Variants in STPG2 observed in about 807,000 individuals in gnomAD.
STPG2 encodes sperm tail PG-rich repeat containing 2.
A neutral mutation model predicts 54.2 loss-of-function variants in STPG2; 56 were observed. The ratio of observed to expected loss-of-function variants is 1.03; its 90% CI spans 0.83 to 1.29. The LOEUF (loss-of-function observed/expected upper bound fraction) is 1.29, where lower values mean the gene tolerates loss of function less well. Among genes scored for constraint, STPG2 ranks in the 50% most tolerant of loss-of-function variants. The probability of loss-of-function intolerance (pLI) is 0.00; values close to 1 mark genes in which losing one functional copy is unlikely to be tolerated. For missense variants in STPG2, 596 were observed against 544.9 expected, an observed-to-expected ratio of 1.09 and a Z score of -0.93; for synonymous variants, 200 against 181.8, an observed-to-expected ratio of 1.10 and a Z score of -0.81.
chr4:97,945,193 T>TA (rs1560603395), intron 7 of STPG2, among the ~76,000 whole-genome samples: 1 of 152,096 alleles, frequency 6.6e-6, no homozygotes, highest in African/African-American at 2.4e-5. Flanking sequence ...AGTAGTTTTT[T>TA]ATCCCCCTAT....
At chr4:97,929,253 C>T (rs916528066) in intron 8 of STPG2, among the ~76,000 whole-genome samples, 10 of 152,160 alleles carry the variant, frequency 6.6e-5, no homozygotes, top group African/African-American at 1.4e-4. Flanking sequence ...ATATGTACTA[C>T]ATTTTCTTTC....
In STPG2 at chr4:97,707,552, G is replaced by T. The variant is rs1187905219; in HGVS notation, c.1320+5147C>A. 2.0e-5 allele frequency among the ~76,000 whole-genome samples: 3 copies of T among 152,032 alleles called. 1 individual carries two copies. In the East Asian group the frequency reaches 5.8e-4, roughly 30 times the overall value. On this transcript the variant is annotated intron_variant, in intron 10 of 10. Coordinates refer to ENST00000295268, the MANE Select transcript of STPG2 (RefSeq NM_174952.3). The stretch of plus-strand genomic sequence containing the variant: ...ATGAAAATAATTTCAATAAATAAAA[G>T]AGGATGGAGGGAGGGGGGAAGTACT...
intron 10 of STPG2, among the ~76,000 whole-genome samples, chr4:97,648,498 A>G (rs1184585003): frequency 6.6e-6 from 1 of 152,172 alleles, no homozygotes. Context: ...TGTTTACTTG[A>G]ATCGATCTTA....
chr4:97,746,035 A>G (rs1398313977), intron 9 of STPG2, among the ~76,000 whole-genome samples: 1 of 151,210 alleles, frequency 6.6e-6, no homozygotes, highest in Non-Finnish European at 1.5e-5. Context: ...TCAATAGCTG[A>G]TTTCTGTGTA....
chr4:97,699,187 C>T (rs1560725387), intron 10 of STPG2, among the ~76,000 whole-genome samples: 1 of 152,176 alleles, frequency 6.6e-6, no homozygotes, highest in African/African-American at 2.4e-5. Context: ...ACAGTGGCTG[C>T]AGCCAGGTCT....
rs1730963733 is a variant in STPG2 at position 97,896,585 on chromosome 4, T to C, written c.1044+47312A>G. ...CTATTCTTAAGTTATAATGGATGGT[T>C]GCCGAATTTAAATACACCCATCACT... On this transcript the variant is annotated intron_variant, in intron 8 of 10. Transcript: ENST00000295268. Among the ~76,000 whole-genome samples, 3 of 151,800 alleles carry C rather than the reference T, an allele frequency of 2.0e-5. No homozygotes were observed. The South Asian group carries it at 6.2e-4, about 31-fold the overall frequency.
At chr4:98,026,690 T>C (rs1306810793) in intron 5 of STPG2, among the ~76,000 whole-genome samples, 1 of 152,242 alleles carries the variant, frequency 6.6e-6, no homozygotes, top group East Asian at 1.9e-4. Context: ...GTGAACTTCT[T>C]TGCCACCCAG....
intron 5 of STPG2, among the ~76,000 whole-genome samples, chr4:98,077,961 A>G (rs2555390): frequency 0.44 from 66,421 of 151,908 alleles, 15,079 homozygotes; most frequent in Admixed American, 0.56. Context: ...TTGAATGTCA[A>G]TACAAGGACA....
intron 6 of STPG2, among the ~76,000 whole-genome samples, chr4:97,972,931 C>T (rs1349003398): frequency 6.6e-6 from 1 of 152,214 alleles, no homozygotes; most frequent in Non-Finnish European, 1.5e-5. Context: ...TTAAACCTCT[C>T]TTTTGCAAAT....
chr4:97,563,986 C>T (rs534436111), intron 10 of STPG2, among the ~76,000 whole-genome samples: 1 of 152,118 alleles, frequency 6.6e-6, no homozygotes, highest in African/African-American at 2.4e-5. Flanking sequence ...TCCTGGATAT[C>T]CTTTTTAACT....
intron 7 of STPG2, among the ~76,000 whole-genome samples, chr4:97,963,408 C>T (rs1267951623): frequency 6.6e-6 from 1 of 152,076 alleles, no homozygotes; most frequent in Admixed American, 6.6e-5. Flanking sequence ...TGTAACCCCA[C>T]TGCTTTGGGA....
intron 4 of STPG2, among the ~76,000 whole-genome samples, chr4:97,548,146 G>C (rs1731884801): frequency 8.0e-6 from 1 of 125,446 alleles, no homozygotes. Flanking sequence ...GTGAAACTCT[G>C]TCTCAAAACA....
chr4:97,665,992 G>C (rs1722510292), intron 10 of STPG2, among the ~76,000 whole-genome samples: 1 of 152,128 alleles, frequency 6.6e-6, no homozygotes, highest in Non-Finnish European at 1.5e-5. Context: ...ATGGGGGTAG[G>C]GGAGGCCTTC....
intron 8 of STPG2, among the ~76,000 whole-genome samples, chr4:97,846,134 G>A (rs1578616018): frequency 6.6e-6 from 1 of 152,020 alleles, no homozygotes; most frequent in African/African-American, 2.4e-5. Flanking sequence ...TGGAAAGACA[G>A]AGTAAAATCT....
At chr4:97,574,173 G>A (rs887152030) in intron 10 of STPG2, among the ~76,000 whole-genome samples, 5 of 151,942 alleles carry the variant, frequency 3.3e-5, no homozygotes, top group African/African-American at 1.2e-4. Context: ...TAATCTCTAA[G>A]AAATAATAAT....
At chr4:97,623,969 C>T (rs998925375) in intron 10 of STPG2, among the ~76,000 whole-genome samples, 3 of 152,164 alleles carry the variant, frequency 2.0e-5, no homozygotes, top group Admixed American at 6.6e-5. Context: ...GACATAATCT[C>T]ATTCCTTTTT....
intron 8 of STPG2, among the ~76,000 whole-genome samples, chr4:97,943,362 C>A (rs924344794): frequency 2.0e-5 from 3 of 152,108 alleles, no homozygotes; most frequent in African/African-American, 7.2e-5. Flanking sequence ...TTTGTAAATT[C>A]AATCTGAATT....
At chr4:97,542,999 A>G (rs991424489) in intron 4 of STPG2, among the ~76,000 whole-genome samples, 2 of 152,144 alleles carry the variant, frequency 1.3e-5, no homozygotes, top group Non-Finnish European at 2.9e-5. Context: ...GGGGAGGGAT[A>G]GCATTAGGAG....
intron 3 of STPG2, among the ~76,000 whole-genome samples, chr4:98,109,579 C>T (rs764740867): frequency 1.3e-5 from 2 of 152,090 alleles, no homozygotes; most frequent in Non-Finnish European, 2.9e-5. Flanking sequence ...CTTGGCAGTA[C>T]ACCCAGTAAT....
Sources: gnomAD v4.1 joint callset for allele counts (sites outside exome capture counted in the v4.1 genomes callset) on GRCh38, gnomAD v4.1.1 for gene constraint, MANE v1.5 for transcripts, NCBI Gene and HGNC (gene_info 2026-07-23, HGNC 2026-07-21) for gene names.